The following CWC27 variants were observed in gnomAD, a reference collection of about 807,000 sequenced individuals.
The protein encoded by CWC27 is spliceosome-associated protein CWC27 homolog.
In CWC27, 47 loss-of-function variants were observed where a neutral mutation model predicts 63.6. That is an observed-to-expected ratio of 0.74 (90% CI 0.58 to 0.94). CWC27 has a LOEUF of 0.94. Among genes scored for constraint, CWC27 ranks in the 40% least tolerant of loss-of-function variants. CWC27 has a pLI of 0.00. For synonymous variants in CWC27, 175 were observed against 179.8 expected, an observed-to-expected ratio of 0.97 and a Z score of 0.22; for missense variants, 495 against 554.3, an observed-to-expected ratio of 0.89 and a Z score of 1.07.
rs116762163 is a variant in CWC27, at chr5:64,784,825, T to C, written c.397-656T>C. On this transcript the variant is annotated intron_variant, in intron 4 of 13. Transcript: ENST00000381070. ...TTAGGAAATATGCATTGGCACATTC[T>C]TTTGAGCCACTCCAGCACAGCCTGT... Among the ~76,000 whole-genome samples, 374 of 152,344 alleles carry C rather than the reference T, an allele frequency of 2.5e-3. 1 individual carries two copies. The highest frequency in any genetic ancestry group is 8.5e-3 in the African/African-American group (354 of 41,576).
chr5:64,901,428 A>G (rs558268031), intron 11 of CWC27, among the ~76,000 whole-genome samples: 110 of 151,150 alleles, frequency 7.3e-4, no homozygotes, highest in African/African-American at 2.5e-3. Context: ...ACTACACTCC[A>G]GCCTGGGTGA....
At chr5:64,880,942 A>G (rs1236401923) in intron 10 of CWC27, among the ~76,000 whole-genome samples, 1 of 149,798 alleles carries the variant, frequency 6.7e-6, no homozygotes, top group Non-Finnish European at 1.5e-5. Context: ...AAGTAAGCCC[A>G]TAGTTTGGCA....
chr5:64,901,411 T>C (rs1747507382), intron 11 of CWC27, among the ~76,000 whole-genome samples: 1 of 146,246 alleles, frequency 6.8e-6, no homozygotes, highest in Admixed American at 7.0e-5. Flanking sequence ...TGAGCCGAGA[T>C]GGCACCACTA....
At chr5:64,950,888 G>A (rs1181920931) in intron 11 of CWC27, among the ~76,000 whole-genome samples, 2 of 151,930 alleles carry the variant, frequency 1.3e-5, no homozygotes, top group South Asian at 2.1e-4. Flanking sequence ...GTCATACAAT[G>A]TGTGTCTGGC....
At chr5:64,983,619 G>A (rs1749367045) in intron 13 of CWC27, among the ~76,000 whole-genome samples, 1 of 152,202 alleles carries the variant, frequency 6.6e-6, no homozygotes, top group South Asian at 2.1e-4. Flanking sequence ...TTGTTCTCAA[G>A]TAGAAGCAAC....
chr5:64,791,161 C>T (rs1037117814), intron 7 of CWC27, among the ~76,000 whole-genome samples: 1 of 140,748 alleles, frequency 7.1e-6, no homozygotes, highest in African/African-American at 2.6e-5. Context: ...AGAGCAAGGG[C>T]AGGAGAAAGT....
At chr5:64,991,357 C>A (rs367545704) in intron 13 of CWC27, among the ~76,000 whole-genome samples, 1 of 151,866 alleles carries the variant, frequency 6.6e-6, no homozygotes, top group Non-Finnish European at 1.5e-5. Context: ...ATTTACCTGA[C>A]CAAAAAGAGG....
At chr5:64,800,216 C>T (rs1372865906) in intron 7 of CWC27, 32 bp from the exon 8 acceptor site, 6 of 1,393,746 alleles carry the variant, frequency 4.3e-6, no homozygotes, top group African/African-American at 1.6e-5. Context: ...GTTTATTTCC[C>T]CCCTCATGAT....
At chr5:64,936,244 A>G (rs945055464) in intron 11 of CWC27, among the ~76,000 whole-genome samples, 1 of 152,108 alleles carries the variant, frequency 6.6e-6, no homozygotes, top group African/African-American at 2.4e-5. Flanking sequence ...GTTTGTTGTA[A>G]GTAGCTGTTA....
chr5:64,801,122 T>G (rs908699871), intron 8 of CWC27, among the ~76,000 whole-genome samples, 180 bp from the exon 9 acceptor site: 2 of 152,146 alleles, frequency 1.3e-5, no homozygotes, highest in African/African-American at 2.4e-5. Context: ...TTATTCCACT[T>G]ATAAAAAATG....
chr5:64,895,995 T>C (rs1426121477), intron 11 of CWC27, among the ~76,000 whole-genome samples: 2 of 152,172 alleles, frequency 1.3e-5, no homozygotes, highest in African/African-American at 4.8e-5. Context: ...GAGTGTTTTA[T>C]ATAACTAATG....
At chr5:64,942,255 G>A (rs985700613) in intron 11 of CWC27, among the ~76,000 whole-genome samples, 5 of 151,038 alleles carry the variant, frequency 3.3e-5, no homozygotes, top group South Asian at 4.2e-4. Flanking sequence ...TAAGACCCCC[G>A]TCTCTACAAA....
At chr5:65,010,473 A>G (rs557997319) in intron 13 of CWC27, among the ~76,000 whole-genome samples, 1 of 152,246 alleles carries the variant, frequency 6.6e-6, no homozygotes, top group Non-Finnish European at 1.5e-5. Flanking sequence ...CCACAGTCCC[A>G]TAGAATGACA....
intron 11 of CWC27, among the ~76,000 whole-genome samples, chr5:64,918,894 G>A (rs1361454276): frequency 2.0e-5 from 3 of 152,038 alleles, no homozygotes; most frequent in Non-Finnish European, 4.4e-5. Context: ...ATTCCACATT[G>A]AACATGAGCA....
chr5:65,008,032 G>A (rs1419966552), intron 13 of CWC27, among the ~76,000 whole-genome samples: 1 of 152,118 alleles, frequency 6.6e-6, no homozygotes, highest in Non-Finnish European at 1.5e-5. Context: ...TTCAAATATG[G>A]TCACATAGTA....
chr5:64,774,868 C>A, intron 2 of CWC27, 81 bp downstream of exon 2: 1 of 814,954 alleles, frequency 1.2e-6, no homozygotes, highest in Non-Finnish European at 2.0e-6. Flanking sequence ...ACATTGAAGA[C>A]TAGTGTTAAA....
intron 10 of CWC27, among the ~76,000 whole-genome samples, chr5:64,863,165 T>TTAAG (rs1025716647): frequency 2.0e-5 from 3 of 152,158 alleles, no homozygotes; most frequent in African/African-American, 7.2e-5. Flanking sequence ...GTTCTGGACT[T>TTAAG]GTTAGATTTT....
chr5:64,918,448 G>C (rs1203137539), intron 11 of CWC27, among the ~76,000 whole-genome samples: 1 of 152,092 alleles, frequency 6.6e-6, no homozygotes, highest in African/African-American at 2.4e-5. Flanking sequence ...AAAAAAAACT[G>C]TGTCAGGTAT....
intron 13 of CWC27, among the ~76,000 whole-genome samples, chr5:64,997,015 ACTGT>A (rs370789157): frequency 2.7e-4 from 41 of 152,278 alleles, no homozygotes; most frequent in African/African-American, 9.6e-4. Context: ...TTAGTCAAAA[ACTGT>A]CTAAGTCCCC....
Sources: gnomAD v4.1 joint callset for allele counts (sites outside exome capture counted in the v4.1 genomes callset) on GRCh38, gnomAD v4.1.1 for gene constraint, MANE v1.5 for transcripts, NCBI Gene and HGNC (gene_info 2026-07-23, HGNC 2026-07-21) for gene names.